The following IGF1R variants were observed in gnomAD, a reference collection of about 807,000 sequenced individuals.
The protein encoded by IGF1R is insulin-like growth factor 1 receptor.
A neutral mutation model predicts 144.6 loss-of-function variants in IGF1R; 44 were observed. That is an observed-to-expected ratio of 0.30 (90% CI 0.24 to 0.39). IGF1R has a LOEUF of 0.39. Among genes scored for constraint, IGF1R ranks in the 10% least tolerant of loss-of-function variants. IGF1R has a pLI of 1.00. For missense variants in IGF1R, 1,355 were observed against 1,833.7 expected, an observed-to-expected ratio of 0.74 and a Z score of 4.77; for synonymous variants, 795 against 722.8, an observed-to-expected ratio of 1.10 and a Z score of -1.60.
At chr15:98,803,058 C>G (rs1265104550) in intron 2 of IGF1R, among the ~76,000 whole-genome samples, 1 of 151,998 alleles carries the variant, frequency 6.6e-6, no homozygotes, top group Non-Finnish European at 1.5e-5. Context: ...ATGTACAGAT[C>G]TCAGTAATAG....
intron 2 of IGF1R, among the ~76,000 whole-genome samples, chr15:98,850,566 G>A (rs1247971599): frequency 1.3e-5 from 2 of 152,260 alleles, no homozygotes. Flanking sequence ...TGGGAGCACA[G>A]AGGAGTCAGG....
intron 1 of IGF1R, among the ~76,000 whole-genome samples, chr15:98,702,293 T>A (rs2053756472): frequency 6.6e-6 from 1 of 151,996 alleles, no homozygotes; most frequent in Non-Finnish European, 1.5e-5. Context: ...TACCTAAGAG[T>A]ATTTTGTTAA....
intron 2 of IGF1R, among the ~76,000 whole-genome samples, chr15:98,723,598 T>TA (rs1029843229): frequency 4.6e-5 from 7 of 152,214 alleles, no homozygotes; most frequent in Non-Finnish European, 1.0e-4. Context: ...TTCTGCCTGT[T>TA]AATAGAGTGA....
chr15:98,849,771 C>T (rs2011469597), intron 2 of IGF1R, among the ~76,000 whole-genome samples: 1 of 152,002 alleles, frequency 6.6e-6, no homozygotes, highest in Non-Finnish European at 1.5e-5. Context: ...ACAGATAGCT[C>T]ACAGAAGAAG....
Position 98,962,535 on chromosome 15 carries a change from T to G in IGF1R, c.*5093T>G. 4.3e-6 allele frequency: 1 copy of G among 233,712 alleles called. No individual in the cohort carries two copies. Among genetic ancestry groups the G allele is most frequent in the Non-Finnish European group, 8.5e-6 (1 of 118,046 alleles). The allele number at this position is 233,712 out of a possible 1,614,324, so 14.5% of individuals were successfully genotyped here. On this transcript the variant is annotated 3_prime_UTR_variant, in exon 21 of 21. Coordinates refer to ENST00000650285, the MANE Select transcript of IGF1R (RefSeq NM_000875.5). ...GCCAGAGATGCTGAAGATACAGACC[T>G]TGGACAGGTCAGAGGGTTTCATTTT...
chr15:98,957,200 CCCGAGCCGGA>C lies in IGF1R; in HGVS notation c.3863_3872del (p.Pro1288ArgfsTer59). 7 of 1,614,236 alleles carry C rather than the reference CCCGAGCCGGA, an allele frequency of 4.3e-6. No homozygotes were observed. The highest frequency in any genetic ancestry group is 5.9e-6 in the Non-Finnish European group (7 of 1,180,042). Reference sequence around the variant, plus strand: ...CTACTACAGCGAGGAGAACAAGCTGCCCGAGCCGGAGGAGCTGGACCTGGAGCCAGAGAAC... The same window carrying C: ...CTACTACAGCGAGGAGAACAAGCTGCGGAGCTGGACCTGGAGCCAGAGAAC... On this transcript the variant is annotated frameshift_variant, in exon 21 of 21. Transcript: ENST00000650285. LOFTEE classifies it high-confidence loss of function.
At chr15:98,774,697 G>A (rs536316107) in intron 2 of IGF1R, among the ~76,000 whole-genome samples, 1 of 147,528 alleles carries the variant, frequency 6.8e-6, no homozygotes, top group East Asian at 2.0e-4. Context: ...GTGGGGGGGT[G>A]GGGGGTGGTT....
chr15:98,952,632 G>T (rs935178223), intron 20 of IGF1R, among the ~76,000 whole-genome samples: 1 of 152,236 alleles, frequency 6.6e-6, no homozygotes, highest in Middle Eastern at 3.4e-3. Flanking sequence ...TCGGGTAAAC[G>T]TTTATCTACA....
chr15:98,868,805 C>A (rs757012376), intron 2 of IGF1R, among the ~76,000 whole-genome samples: 1 of 152,130 alleles, frequency 6.6e-6, no homozygotes, highest in Non-Finnish European at 1.5e-5. Flanking sequence ...GTGAGTGCCC[C>A]GTAAATGTTA....
In IGF1R at chr15:98,957,921, C is replaced by G; in HGVS notation, c.*479C>G. 1 of 238,764 alleles carries G rather than the reference C, an allele frequency of 4.2e-6. No individual in the cohort carries two copies. The highest frequency in any genetic ancestry group is 8.2e-6 in the Non-Finnish European group (1 of 121,646). The allele number at this position is 238,764 out of a possible 1,614,324, so 14.8% of individuals were successfully genotyped here. A position where few individuals can be genotyped will look rare whatever the true frequency, so the allele number is the denominator to read the frequency against. On this transcript the variant is annotated 3_prime_UTR_variant, in exon 21 of 21. Coordinates refer to ENST00000650285, the MANE Select transcript of IGF1R (RefSeq NM_000875.5). ...CACCGTGGGTCATTACAAAAAAACA[C>G]GTGGAGATGGAAATTTTTACCTTTA...
chr15:98,677,740 A>G (rs1596173362), intron 1 of IGF1R, among the ~76,000 whole-genome samples: 1 of 152,210 alleles, frequency 6.6e-6, no homozygotes, highest in Non-Finnish European at 1.5e-5. Context: ...CAAAAGGCAA[A>G]AAAGGCAGAA....
At chr15:98,830,907 A>G (rs1390610941) in intron 2 of IGF1R, among the ~76,000 whole-genome samples, 1 of 152,080 alleles carries the variant, frequency 6.6e-6, no homozygotes, top group Non-Finnish European at 1.5e-5. Flanking sequence ...CCCGGCCAGG[A>G]TCTGATCATT....
chr15:98,896,611 C>T, intron 3 of IGF1R, 146 bp from the exon 4 acceptor site: 1 of 799,644 alleles, frequency 1.3e-6, no homozygotes, highest in Non-Finnish European at 2.0e-6. Context: ...GGTGAGATAC[C>T]ATGTGACCAC....
chr15:98,732,669 AGACT>A (rs2054521272), intron 2 of IGF1R, among the ~76,000 whole-genome samples: 1 of 152,202 alleles, frequency 6.6e-6, no homozygotes, highest in Admixed American at 6.5e-5. Flanking sequence ...GGATGACTGG[AGACT>A]GACTGGAGAA....
intron 2 of IGF1R, among the ~76,000 whole-genome samples, chr15:98,759,622 AT>A (rs1444239658): frequency 6.6e-6 from 1 of 152,238 alleles, no homozygotes; most frequent in African/African-American, 2.4e-5. Context: ...ATGTCAGAAG[AT>A]TTCTTAACCA....
At chr15:98,902,221 T>C (rs899793400) in intron 5 of IGF1R, among the ~76,000 whole-genome samples, 8 of 152,076 alleles carry the variant, frequency 5.3e-5, no homozygotes, top group Non-Finnish European at 1.2e-4. Flanking sequence ...AATCAGTGCT[T>C]GTCTAAAGAT....
intron 2 of IGF1R, among the ~76,000 whole-genome samples, chr15:98,768,922 C>T (rs1000222108): frequency 8.8e-4 from 44 of 50,060 alleles, no homozygotes; most frequent in Non-Finnish European, 1.9e-3. Flanking sequence ...AGTGAGATTC[C>T]GTCTCAAAAA....
chr15:98,785,025 A>T (rs2055957688), intron 2 of IGF1R, among the ~76,000 whole-genome samples: 1 of 152,164 alleles, frequency 6.6e-6, no homozygotes, highest in East Asian at 1.9e-4. Context: ...GTTCATGTGT[A>T]TATATATATG....
At chr15:98,780,386 A>C (rs1158543752) in intron 2 of IGF1R, among the ~76,000 whole-genome samples, 1 of 151,756 alleles carries the variant, frequency 6.6e-6, no homozygotes, top group Non-Finnish European at 1.5e-5. Flanking sequence ...CCTCATCTCT[A>C]CTAAAAATAC....
Sources: allele counts gnomAD v4.1 joint callset (sites outside exome capture counted in the v4.1 genomes callset), GRCh38; gene constraint gnomAD v4.1.1; transcripts MANE v1.5; gene names NCBI Gene and HGNC (gene_info 2026-07-23, HGNC 2026-07-21).